The following SMYD3 variants were observed in gnomAD, a reference collection of about 807,000 sequenced individuals.
SMYD3 encodes the protein histone-lysine N-methyltransferase SMYD3.
A neutral mutation model predicts 57.7 loss-of-function variants in SMYD3; 36 were observed. That is an observed-to-expected ratio of 0.62 (90% confidence interval 0.48 to 0.82). SMYD3 has a LOEUF of 0.82. Among genes scored for constraint, SMYD3 ranks in the 40% least tolerant of loss-of-function variants. The pLI is 0.00. For synonymous variants in SMYD3, 211 were observed against 195.0 expected, an observed-to-expected ratio of 1.08 and a Z score of -0.68; for missense variants, 515 against 538.8, an observed-to-expected ratio of 0.96 and a Z score of 0.44.
chr1:246,467,096 G>A (rs2067893072), intron 1 of SMYD3, among the ~76,000 whole-genome samples: 2 of 152,106 alleles, frequency 1.3e-5, no homozygotes, highest in Admixed American at 1.3e-4. Context: ...CTTGAGCCCA[G>A]GAGGTGGAGG....
intron 5 of SMYD3, among the ~76,000 whole-genome samples, chr1:246,301,531 GAAGT>G (rs1246204032): frequency 2.0e-5 from 3 of 152,170 alleles, no homozygotes; most frequent in Non-Finnish European, 4.4e-5. Flanking sequence ...TAGCAAGTCT[GAAGT>G]AATGAGAATA....
chr1:246,411,480 T>C (rs1345112669), intron 1 of SMYD3, among the ~76,000 whole-genome samples: 7 of 152,260 alleles, frequency 4.6e-5, no homozygotes, highest in East Asian at 1.9e-4. Context: ...ACTGGGTATA[T>C]ACCCAAAGGA....
chr1:246,101,026 T>TTAAATGAA (rs1404804337), intron 5 of SMYD3, among the ~76,000 whole-genome samples: 1 of 151,388 alleles, frequency 6.6e-6, no homozygotes, highest in Admixed American at 6.6e-5. Context: ...CATAGCTTGT[T>TTAAATGAA]TAAATGAATA....
At chr1:246,471,225 G>A (rs1216676884) in intron 1 of SMYD3, among the ~76,000 whole-genome samples, 2 of 151,858 alleles carry the variant, frequency 1.3e-5, no homozygotes, top group Non-Finnish European at 2.9e-5. Flanking sequence ...TTTAGAGATG[G>A]GGTCTTGCTG....
chr1:246,282,221 A>C (rs1485406853), intron 5 of SMYD3, among the ~76,000 whole-genome samples: 1 of 144,392 alleles, frequency 6.9e-6, no homozygotes, highest in Non-Finnish European at 1.5e-5. Flanking sequence ...TAATCCTAGC[A>C]CTTTGGGAGG....
At chr1:245,993,403 C>T (rs1021041595) in intron 5 of SMYD3, among the ~76,000 whole-genome samples, 6 of 152,060 alleles carry the variant, frequency 3.9e-5, no homozygotes, top group African/African-American at 7.2e-5. Flanking sequence ...ATCAGCAATA[C>T]TAAACTTTAA....
At chr1:246,044,994 A>G (rs2059937608) in intron 5 of SMYD3, among the ~76,000 whole-genome samples, 1 of 152,196 alleles carries the variant, frequency 6.6e-6, no homozygotes, top group African/African-American at 2.4e-5. Flanking sequence ...ACACAAACAA[A>G]TGGAAGAGCA....
intron 8 of SMYD3, among the ~76,000 whole-genome samples, chr1:245,865,449 T>C (rs2051783343): frequency 6.6e-6 from 1 of 152,206 alleles, no homozygotes; most frequent in African/African-American, 2.4e-5. Context: ...CTCCCTAATA[T>C]ATCACTGATC....
chr1:245,764,184 C>T, intron 10 of SMYD3, 35 bp from the exon 11 acceptor site: 2 of 1,439,950 alleles, frequency 1.4e-6, no homozygotes, highest in South Asian at 1.1e-5. Context: ...GTGTCAGCAG[C>T]CCTCACCTTT....
At chr1:246,332,642 C>T (rs557931078) in intron 3 of SMYD3, among the ~76,000 whole-genome samples, 9 of 152,310 alleles carry the variant, frequency 5.9e-5, no homozygotes, top group African/African-American at 2.2e-4. Context: ...CCTGTCTCTA[C>T]TAAAAGTACA....
At chr1:246,431,892 TAGAA>T (rs1416359066) in intron 1 of SMYD3, among the ~76,000 whole-genome samples, 27 of 152,164 alleles carry the variant, frequency 1.8e-4, no homozygotes, top group Admixed American at 7.2e-4. Context: ...TATTTTATAA[TAGAA>T]AGAGCCATGA....
At chr1:246,151,001 A>G (rs1270352393) in intron 5 of SMYD3, among the ~76,000 whole-genome samples, 1 of 152,034 alleles carries the variant, frequency 6.6e-6, no homozygotes, top group African/African-American at 2.4e-5. Flanking sequence ...TAATCCCAGC[A>G]CTTTGGGAGG....
chr1:246,210,711 A>C (rs1054777286), intron 5 of SMYD3, among the ~76,000 whole-genome samples: 12 of 151,990 alleles, frequency 7.9e-5, no homozygotes, highest in South Asian at 2.1e-4. Flanking sequence ...ACTAAAAAAA[A>C]AAAAACAAAA....
chr1:246,232,078 T>C (rs1307439280), intron 5 of SMYD3, among the ~76,000 whole-genome samples: 2 of 152,198 alleles, frequency 1.3e-5, no homozygotes, highest in Non-Finnish European at 2.9e-5. Context: ...CCATAGTTTT[T>C]AATGCAAATG....
chr1:246,419,138 G>A (rs1221484702), intron 1 of SMYD3, among the ~76,000 whole-genome samples: 1 of 152,016 alleles, frequency 6.6e-6, no homozygotes, highest in Non-Finnish European at 1.5e-5. Flanking sequence ...CCCCCCACTA[G>A]CAAAAATTGC....
At chr1:246,229,429 T>C (rs2063379343) in intron 5 of SMYD3, among the ~76,000 whole-genome samples, 1 of 152,240 alleles carries the variant, frequency 6.6e-6, no homozygotes, top group Non-Finnish European at 1.5e-5. Flanking sequence ...AATAATTTAC[T>C]TAATCCTATT....
intron 1 of SMYD3, among the ~76,000 whole-genome samples, chr1:246,396,672 C>T (rs1302950854): frequency 6.6e-6 from 1 of 152,166 alleles, no homozygotes; most frequent in African/African-American, 2.4e-5. Context: ...TGGGGCACGA[C>T]TGAATCATGG....
chr1:246,195,613 G>GCACA (rs527875900), intron 5 of SMYD3, among the ~76,000 whole-genome samples: 15 of 149,974 alleles, frequency 1.0e-4, no homozygotes, highest in East Asian at 5.9e-4. Flanking sequence ...GTGCACGCGC[G>GCACA]CACACACACA....
chr1:245,760,535 T>C (rs2045801804), intron 11 of SMYD3, among the ~76,000 whole-genome samples: 1 of 152,174 alleles, frequency 6.6e-6, no homozygotes, highest in South Asian at 2.1e-4. Flanking sequence ...ATCTGGTCCA[T>C]TAACTGTAAA....
Sources: allele counts gnomAD v4.1 joint callset (sites outside exome capture counted in the v4.1 genomes callset), GRCh38; gene constraint gnomAD v4.1.1; transcripts MANE v1.5; gene names NCBI Gene and HGNC (gene_info 2026-07-23, HGNC 2026-07-21).